Variants in PEX2 observed in about 807,000 individuals in gnomAD.
The protein encoded by PEX2 is peroxisome biogenesis factor 2.
In PEX2, 19 loss-of-function variants were observed where a neutral mutation model predicts 25.2. The observed-to-expected ratio is 0.75, with a 90% confidence interval of 0.53 to 1.10. The LOEUF (loss-of-function observed/expected upper bound fraction) is 1.10. Among genes scored for constraint, PEX2 ranks in the 50% least tolerant of loss-of-function variants. The pLI is 0.00. For synonymous variants in PEX2, 141 were observed against 127.7 expected (o/e 1.10, Z -0.70); for missense variants, 347 against 350.6 (o/e 0.99, Z 0.08).
At position 76,984,101 on chromosome 8, in the gene PEX2, G is replaced by C; in HGVS notation, c.78C>G (p.Asn26Lys). ...ACCAAACTAGCTGCTCCAGGGCCTT[G>C]TTTAGTTCAAGTGCATCCAACTGGC... ...RISQLDALEL[N>K]KALEQLVWSQ... is the part of the protein sequence containing the mutation. Residue 26 changes from asparagine (N) to lysine (K), a missense_variant, in exon 4 of 4, where the codon AAC becomes AAG. Physicochemically the swap from Asn to Lys is moderately conservative, Grantham distance 94. Coordinates refer to ENST00000357039, the MANE Select transcript of PEX2 (RefSeq NM_000318.3). The C allele has an allele frequency of 6.2e-7, 1 of 1,613,624 alleles. No homozygotes were observed.
intron 3 of PEX2, 108 bp from the exon 4 acceptor site, chr8:76,984,303 G>A: frequency 2.4e-6 from 2 of 835,564 alleles, no homozygotes; most frequent in Non-Finnish European, 3.9e-6. Flanking sequence ...GGACACATAG[G>A]CGATGAGCGT....
chr8:76,989,059 C>A (rs1196588757), intron 1 of PEX2, among the ~76,000 whole-genome samples: 1 of 150,454 alleles, frequency 6.6e-6, no homozygotes, highest in Non-Finnish European at 1.5e-5. Flanking sequence ...CACCTGTAGT[C>A]CTAGCTACTA....
rs35006173 is a variant in PEX2, at chr8:76,998,957, AT to A, written c.-160+1032del. ...ATTCGCTCTATGTCCTGTTACTTCTATTTTTTTTTTTAAGAAAAAAATATGA... is the reference window on the plus strand; with the variant it reads ...ATTCGCTCTATGTCCTGTTACTTCTATTTTTTTTTTAAGAAAAAAATATGA... On this transcript the variant is annotated intron_variant, in intron 1 of 3. Transcript: ENST00000357039. Among the ~76,000 whole-genome samples the A allele has an allele frequency of 8.4e-4, 123 of 146,076 alleles. No individual in the cohort carries two copies. The East Asian group carries it at 0.013, about 16-fold the overall frequency.
chr8:76,985,858 C>A (rs201117016), intron 3 of PEX2, among the ~76,000 whole-genome samples: 1 of 152,086 alleles, frequency 6.6e-6, no homozygotes, highest in Admixed American at 6.6e-5. Flanking sequence ...GATAAAATGA[C>A]CTTCAAAGTC....
intron 3 of PEX2, among the ~76,000 whole-genome samples, chr8:76,984,536 G>A (rs1281220767): frequency 2.0e-5 from 3 of 152,100 alleles, no homozygotes; most frequent in African/African-American, 4.8e-5. Context: ...TTCTAGCAGG[G>A]AGACATTAAA....
intron 3 of PEX2, 91 bp from the exon 4 acceptor site, chr8:76,984,286 T>G (rs1806941104): frequency 9.8e-7 from 1 of 1,018,690 alleles, no homozygotes; most frequent in Non-Finnish European, 1.5e-6. Flanking sequence ...CATACACAAA[T>G]TACACAGGAC....
chr8:76,984,296 C>T (rs1177743283), intron 3 of PEX2, 101 bp from the exon 4 acceptor site: 1 of 905,708 alleles, frequency 1.1e-6, no homozygotes, highest in Non-Finnish European at 1.8e-6. Context: ...TTACACAGGA[C>T]ACATAGGCGA....
upstream of PEX2, chr8:77,000,108 G>T (rs886063142): frequency 2.7e-6 from 1 of 375,490 alleles, no homozygotes; most frequent in Non-Finnish European, 5.2e-6. Flanking sequence ...GCAGGCTTCC[G>T]GAGCGACGCA....
rs979812012 is a variant in PEX2, at chr8:76,983,188, T to C, written c.*73A>G. 24 of 1,599,050 alleles carry C rather than the reference T, an allele frequency of 1.5e-5. No individual in the cohort carries two copies. The East Asian group carries it at 2.7e-4, about 18-fold the overall frequency. On this transcript the variant is annotated 3_prime_UTR_variant, in exon 4 of 4. Transcript: ENST00000357039. ...TTCCTTATAAAGGATACATAAATGG[T>C]ATACTTAGGATGACTAATATTAAGA...
At chr8:76,985,476 G>A (rs1806976376) in intron 3 of PEX2, among the ~76,000 whole-genome samples, 1 of 152,150 alleles carries the variant, frequency 6.6e-6, no homozygotes, top group Admixed American at 6.5e-5. Flanking sequence ...CATACACACA[G>A]GTGGTAAGTA....
chr8:76,987,599 G>A (rs1807044138), intron 2 of PEX2, among the ~76,000 whole-genome samples: 1 of 152,092 alleles, frequency 6.6e-6, no homozygotes. Flanking sequence ...GAGCAAGAAT[G>A]GAATAGAGGC....
At position 76,983,318 on chromosome 8, in the gene PEX2, T is replaced by C; in HGVS notation, c.861A>G (p.Val287=). The part of the protein sequence containing the change: ...YFTCPKCGTE[V]HSLQPLKSGI... The stretch of plus-strand genomic sequence containing the variant: ...CTGATTTCAGTGGCTGCAGACTGTG[T>C]ACTTCTGTGCCACACTTAGGACAAG... Residue 287 remains valine, a synonymous_variant, in exon 4 of 4, where the codon GTA becomes GTG. Coordinates refer to ENST00000357039, the MANE Select transcript of PEX2 (RefSeq NM_000318.3). The C allele has an allele frequency of 1.2e-6, 2 of 1,614,010 alleles. No individual in the cohort carries two copies. The highest frequency in any genetic ancestry group is 2.2e-5 in the South Asian group (2 of 91,088).
rs1352441579 is a variant in PEX2, at chr8:77,000,073, T to C, written c.-243A>G. On this transcript the variant is annotated 5_prime_UTR_variant, in exon 1 of 4. Coordinates refer to ENST00000357039, the MANE Select transcript of PEX2 (RefSeq NM_000318.3). ...AAGCTTGTCTTTTCCTAGCCGAATCTGGATTACCAAGGCTTCCGGAACTCG... is the reference window on the plus strand; with the variant it reads ...AAGCTTGTCTTTTCCTAGCCGAATCCGGATTACCAAGGCTTCCGGAACTCG... 4.8e-6 allele frequency: 2 copies of C among 415,352 alleles called. No homozygotes were observed. The highest frequency in any genetic ancestry group is 9.6e-6 in the Non-Finnish European group (2 of 207,490). The allele number at this position is 415,352 out of a possible 1,614,324, so 25.7% of individuals were successfully genotyped here. A position where few individuals can be genotyped will look rare whatever the true frequency, so the allele number is the denominator to read the frequency against.
chr8:76,983,196 G>A lies in PEX2; in HGVS notation c.*65C>T. On this transcript the variant is annotated 3_prime_UTR_variant, in exon 4 of 4. Transcript: ENST00000357039. ...AAAGGATACATAAATGGTATACTTA[G>A]GATGACTAATATTAAGAATTTAAAC... 6.2e-7 allele frequency: 1 copy of A among 1,600,042 alleles called. No individual in the cohort carries two copies.
intron 1 of PEX2, among the ~76,000 whole-genome samples, chr8:76,998,398 T>C (rs1446858590): frequency 2.0e-5 from 3 of 152,172 alleles, no homozygotes; most frequent in Admixed American, 6.5e-5. Flanking sequence ...TAAAAGGATA[T>C]GGAGAAGAAG....
At chr8:76,999,930 C>A (rs1367851240) in intron 1 of PEX2, 60 bp downstream of exon 1, 1 of 456,642 alleles carries the variant, frequency 2.2e-6, no homozygotes, top group South Asian at 1.5e-5. Context: ...AACTCCACGA[C>A]CTCCCAGCTG....
chr8:76,989,430 T>C (rs1807099111), intron 1 of PEX2, among the ~76,000 whole-genome samples: 1 of 152,168 alleles, frequency 6.6e-6, no homozygotes, highest in Admixed American at 6.5e-5. Context: ...TTCTTAATGG[T>C]ACACAGAATG....
In PEX2 at chr8:76,985,722, T is replaced by C. The variant is rs115160684; in HGVS notation, c.-18+465A>G. 9.7e-3 allele frequency among the ~76,000 whole-genome samples: 1,481 copies of C among 152,244 alleles called. 15 individuals are homozygous for C. The highest frequency in any genetic ancestry group is 0.034 in the African/African-American group (1,420 of 41,560). ...CCAATACCCTAACAGAAAGAATAGT[T>C]ACTGAGGGAGGCATGGATCCTGCTG... is the stretch of plus-strand genomic sequence containing the variant. On this transcript the variant is annotated intron_variant, in intron 3 of 3. Transcript: ENST00000357039.
At chr8:76,993,068 T>C (rs1246263978) in intron 1 of PEX2, among the ~76,000 whole-genome samples, 2 of 152,142 alleles carry the variant, frequency 1.3e-5, no homozygotes, top group Non-Finnish European at 2.9e-5. Context: ...CCCCCGTCAA[T>C]GTGGCTGCAT....
Sources: allele counts gnomAD v4.1 joint callset (sites outside exome capture counted in the v4.1 genomes callset), GRCh38; gene constraint gnomAD v4.1.1; transcripts MANE v1.5; gene names NCBI Gene and HGNC (gene_info 2026-07-23, HGNC 2026-07-21).